The following EIF4G3 variants were observed in gnomAD, a reference collection of about 807,000 sequenced individuals.
EIF4G3 encodes the protein eukaryotic translation initiation factor 4 gamma 3.
A neutral mutation model predicts 186.4 loss-of-function variants in EIF4G3; 34 were observed. The observed-to-expected ratio is 0.18, with a 90% CI of 0.14 to 0.24. The LOEUF (loss-of-function observed/expected upper bound fraction) is 0.24. Ranked by LOEUF, EIF4G3 falls within the 10% of genes least tolerant of loss-of-function variation. The pLI is 1.00. For synonymous variants in EIF4G3, 673 were observed against 679.5 expected (o/e 0.99, Z 0.15); for missense variants, 1,536 against 1,948.5 (o/e 0.79, Z 3.99).
At chr1:20,920,158 G>C (rs975632006) in intron 14 of EIF4G3, among the ~76,000 whole-genome samples, 1 of 152,090 alleles carries the variant, frequency 6.6e-6, no homozygotes, top group Non-Finnish European at 1.5e-5. Flanking sequence ...TGCCCGCCTC[G>C]ACCTCCCAAA....
At chr1:20,999,318 T>C in intron 6 of EIF4G3, 1 of 364,950 alleles carries the variant, frequency 2.7e-6, no homozygotes, top group South Asian at 2.1e-5. Context: ...GTCTTGTATT[T>C]TCAGTTTTCC....
At chr1:21,066,402 T>C (rs1571999922) in intron 3 of EIF4G3, among the ~76,000 whole-genome samples, 2 of 151,848 alleles carry the variant, frequency 1.3e-5, no homozygotes, top group African/African-American at 4.8e-5. Flanking sequence ...ACATTAGATA[T>C]GTAAAAAATT....
At chr1:20,979,698 AAATAT>A (rs2077559025) in intron 10 of EIF4G3, among the ~76,000 whole-genome samples, 1 of 152,112 alleles carries the variant, frequency 6.6e-6, no homozygotes, top group Non-Finnish European at 1.5e-5. Flanking sequence ...GTCATTAACT[AAATAT>A]ATTTCTATAA....
intron 2 of EIF4G3, among the ~76,000 whole-genome samples, chr1:21,091,786 C>T (rs1572407129): frequency 6.6e-6 from 1 of 152,090 alleles, no homozygotes; most frequent in African/African-American, 2.4e-5. Context: ...TGATTTGGCT[C>T]TCTGTTTGTC....
intron 3 of EIF4G3, among the ~76,000 whole-genome samples, chr1:21,068,640 C>T (rs12567861): frequency 0.4 from 60,496 of 151,844 alleles, 12,693 homozygotes; most frequent in Middle Eastern, 0.52. Context: ...GGGCAGGATA[C>T]GTCACCTCTG....
intron 14 of EIF4G3, among the ~76,000 whole-genome samples, chr1:20,920,205 C>A (rs533402276): frequency 6.6e-6 from 1 of 152,088 alleles, no homozygotes; most frequent in Admixed American, 6.6e-5. Flanking sequence ...TGCGTCCGGT[C>A]GAGATATTTT....
At chr1:20,991,442 C>T (rs1039936523) in intron 7 of EIF4G3, among the ~76,000 whole-genome samples, 3 of 152,096 alleles carry the variant, frequency 2.0e-5, no homozygotes, top group Non-Finnish European at 2.9e-5. Context: ...GTAGCTCACA[C>T]CTGTAGTTCC....
intron 2 of EIF4G3, among the ~76,000 whole-genome samples, chr1:21,166,432 A>G (rs1431923599): frequency 1.3e-5 from 2 of 152,068 alleles, no homozygotes; most frequent in African/African-American, 2.4e-5. Flanking sequence ...CCCATCTCGA[A>G]AAAATGAATA....
chr1:21,122,322 T>C (rs2096940913), intron 2 of EIF4G3, among the ~76,000 whole-genome samples: 1 of 152,298 alleles, frequency 6.6e-6, no homozygotes, highest in Admixed American at 6.5e-5. Flanking sequence ...AAGAATAAAC[T>C]GTAATTACTC....
chr1:21,087,639 T>A (rs1006559501), intron 3 of EIF4G3, among the ~76,000 whole-genome samples: 20 of 144,718 alleles, frequency 1.4e-4, no homozygotes, highest in South Asian at 6.9e-4. Flanking sequence ...CCAAAAAAAA[T>A]TTTTTTTTTT....
At chr1:21,158,578 C>T (rs1312814271) in intron 2 of EIF4G3, among the ~76,000 whole-genome samples, 3 of 152,112 alleles carry the variant, frequency 2.0e-5, no homozygotes, top group Non-Finnish European at 4.4e-5. Flanking sequence ...CCAACTAAAA[C>T]AATTATTCTG....
At chr1:21,170,833 C>T (rs1451712099) in intron 2 of EIF4G3, among the ~76,000 whole-genome samples, 9 of 151,742 alleles carry the variant, frequency 5.9e-5, no homozygotes, top group African/African-American at 2.2e-4. Flanking sequence ...ACTAAAAATA[C>T]AAAAATTAGC....
At chr1:20,809,638 C>T (rs1265772832) in intron 36 of EIF4G3, among the ~76,000 whole-genome samples, 1 of 152,190 alleles carries the variant, frequency 6.6e-6, no homozygotes, top group African/African-American at 2.4e-5. Context: ...AAATACACTA[C>T]ACTTAGGGTC....
intron 2 of EIF4G3, among the ~76,000 whole-genome samples, chr1:21,125,760 TTA>T (rs1021310033): frequency 2.9e-4 from 34 of 115,482 alleles, no homozygotes; most frequent in African/African-American, 1.2e-3. Flanking sequence ...TATAATTTTT[TTA>T]TATATATATA....
At chr1:20,860,115 C>A (rs4654880) in intron 24 of EIF4G3, among the ~76,000 whole-genome samples, 84,426 of 151,998 alleles carry the variant, frequency 0.56, 24,126 homozygotes, top group East Asian at 0.83. Context: ...TTCCTTTTCT[C>A]GTCTCACCAA....
chr1:21,001,424 G>T (rs766108425), intron 5 of EIF4G3, 112 bp from the exon 6 acceptor site: 1 of 407,732 alleles, frequency 2.5e-6, no homozygotes, highest in Non-Finnish European at 5.0e-6. Flanking sequence ...TAGGGTTGGG[G>T]GTATACAGAA....
At chr1:21,007,897 TTA>T (rs1260395933) in intron 4 of EIF4G3, among the ~76,000 whole-genome samples, 2 of 152,180 alleles carry the variant, frequency 1.3e-5, no homozygotes, top group Non-Finnish European at 2.9e-5. Flanking sequence ...TACTTCTGTA[TTA>T]TGTTTTTACT....
rs2073617871 is a variant in EIF4G3, at chr1:20,852,413, G to C, written c.3552-935C>G. On this transcript the variant is annotated intron_variant, in intron 27 of 36. Coordinates refer to ENST00000602326, the MANE Select transcript of EIF4G3 (RefSeq NM_001391906.1). ...AGGGAAACAAATATTATAAGAACAT[G>C]GTATCACTATCTCAGAAATTATGCA... Among the ~76,000 whole-genome samples the C allele has an allele frequency of 2.6e-5, 4 of 152,200 alleles. No homozygotes were observed. In the East Asian group the frequency reaches 7.7e-4, roughly 29 times the overall value.
chr1:21,112,993 T>C (rs1299684971), intron 2 of EIF4G3, among the ~76,000 whole-genome samples: 1 of 151,838 alleles, frequency 6.6e-6, no homozygotes, highest in Non-Finnish European at 1.5e-5. Context: ...ATCAGAAACA[T>C]ATAAATATTT....
Sources: gnomAD v4.1 joint callset for allele counts (sites outside exome capture counted in the v4.1 genomes callset) on GRCh38, gnomAD v4.1.1 for gene constraint, MANE v1.5 for transcripts, NCBI Gene and HGNC (gene_info 2026-07-23, HGNC 2026-07-21) for gene names.